TASP1: variants seen among roughly 807,000 people sequenced by gnomAD.
TASP1 encodes threonine aspartase 1.
Under a neutral mutation model 56.6 loss-of-function variants are expected in TASP1, and 16 were observed. The observed-to-expected ratio is 0.28, with a 90% confidence interval of 0.19 to 0.43. The LOEUF (loss-of-function observed/expected upper bound fraction) is 0.43, where lower values mean the gene tolerates loss of function less well. Ranked by LOEUF, TASP1 falls within the 20% of genes least tolerant of loss-of-function variation. The probability of loss-of-function intolerance (pLI) is 1.00; values close to 1 mark genes in which losing one functional copy is unlikely to be tolerated. For missense variants in TASP1, 393 were observed against 511.6 expected, an observed-to-expected ratio of 0.77 and a Z score of 2.24; for synonymous variants, 179 against 184.2, an observed-to-expected ratio of 0.97 and a Z score of 0.23.
At chr20:13,363,934 C>A in the TASP1 span, among the ~76,000 whole-genome samples, 1 of 152,050 alleles carries the variant, frequency 6.6e-6, no homozygotes, top group African/African-American at 2.4e-5. Context: ...CCATCAGAAT[C>A]CATCAGAAAA....
the TASP1 span, among the ~76,000 whole-genome samples, chr20:13,229,025 T>A: frequency 6.6e-6 from 1 of 152,264 alleles, no homozygotes; most frequent in East Asian, 1.9e-4. Flanking sequence ...GCCCTCAGCC[T>A]TTTCTCCTAA....
chr20:13,325,346 A>G, the TASP1 span, among the ~76,000 whole-genome samples: 1 of 152,226 alleles, frequency 6.6e-6, no homozygotes, highest in African/African-American at 2.4e-5. Context: ...CTCGTGCTTA[A>G]GATGTATTTG....
At chr20:13,128,970 G>T in the TASP1 span, among the ~76,000 whole-genome samples, 1 of 151,206 alleles carries the variant, frequency 6.6e-6, no homozygotes, top group African/African-American at 2.4e-5. Context: ...TCCGCCTCCT[G>T]GGTTCAAGCA....
At chr20:13,471,842 G>A (rs989106030) in intron 11 of TASP1, among the ~76,000 whole-genome samples, 20 of 152,242 alleles carry the variant, frequency 1.3e-4, no homozygotes, top group South Asian at 2.1e-4. Context: ...TGCAGACCAC[G>A]GAGGGAGAGC....
the TASP1 span, among the ~76,000 whole-genome samples, chr20:13,267,169 A>G: frequency 6.6e-6 from 1 of 152,182 alleles, no homozygotes; most frequent in African/African-American, 2.4e-5. Flanking sequence ...GGGGCATGCC[A>G]TTGCAAGGAG....
chr20:13,628,358 T>C (rs534594451), intron 2 of TASP1, among the ~76,000 whole-genome samples: 2 of 152,352 alleles, frequency 1.3e-5, no homozygotes, highest in East Asian at 1.9e-4. Context: ...TCATGGAAGA[T>C]AATGGAAGAT....
At chr20:13,272,767 T>C in the TASP1 span, among the ~76,000 whole-genome samples, 13 of 152,324 alleles carry the variant, frequency 8.5e-5, no homozygotes, top group East Asian at 1.7e-3. Context: ...TTGGAATAGG[T>C]GCAGATTGGC....
At chr20:13,309,748 G>C in the TASP1 span, among the ~76,000 whole-genome samples, 1 of 151,924 alleles carries the variant, frequency 6.6e-6, no homozygotes, top group Non-Finnish European at 1.5e-5. Context: ...ATTCAGTAAA[G>C]TCATAGGATA....
chr20:13,222,788 G>A, the TASP1 span, among the ~76,000 whole-genome samples: 17 of 152,280 alleles, frequency 1.1e-4, no homozygotes, highest in African/African-American at 3.9e-4. Context: ...TGAGTCTAGG[G>A]GTGGGACAAC....
chr20:13,406,731 A>T lies in TASP1; in HGVS notation c.1170+10717T>A, dbSNP rs111279757. 9.4e-5 allele frequency among the ~76,000 whole-genome samples: 13 copies of T among 138,194 alleles called. 1 individual carries two copies. The highest frequency in any genetic ancestry group is 3.6e-4 in the African/African-American group (13 of 36,220). 90.7% of individuals were successfully genotyped at this position (138,194 alleles called of 152,430 possible). A position where few individuals can be genotyped will look rare whatever the true frequency, so the allele number is the denominator to read the frequency against. On this transcript the variant is annotated intron_variant, in intron 13 of 13. Coordinates refer to ENST00000337743, the MANE Select transcript of TASP1 (RefSeq NM_017714.3). ...ACCCAGGCTGGAGTGCAGTGGTGTG[A>T]TCTCTGCTCACTACAAGCTCTGCCT...
At chr20:13,200,096 T>C in the TASP1 span, among the ~76,000 whole-genome samples, 32 of 152,346 alleles carry the variant, frequency 2.1e-4, no homozygotes, top group African/African-American at 7.0e-4. Flanking sequence ...ACACTTTAAA[T>C]TCACAAAGGT....
In TASP1 at chr20:13,415,444, C is replaced by CTT. The variant is rs368921864; in HGVS notation, c.1170+2002_1170+2003dup. On this transcript the variant is annotated intron_variant, in intron 13 of 13. Coordinates refer to ENST00000337743, the MANE Select transcript of TASP1 (RefSeq NM_017714.3). ...ATTAGTGTTTTTGTTTTGGGGTTTT[C>CTT]TTTTTTTTTTTTTTTTTCCTTGAAA... is the stretch of plus-strand genomic sequence containing the variant. Among the ~76,000 whole-genome samples, 270 of 133,020 alleles carry CTT rather than the reference C, an allele frequency of 2.0e-3. 2 individuals are homozygous for CTT. The South Asian group carries it at 0.02, about 10-fold the overall frequency. The allele number at this position is 133,020 out of a possible 152,430, so 87.3% of individuals were successfully genotyped here.
At chr20:13,296,369 C>A in the TASP1 span, among the ~76,000 whole-genome samples, 1 of 152,254 alleles carries the variant, frequency 6.6e-6, no homozygotes, top group East Asian at 1.9e-4. Flanking sequence ...AAACTCAGAT[C>A]CCCATCAATA....
intron 4 of TASP1, among the ~76,000 whole-genome samples, chr20:13,614,253 T>C (rs1361089095): frequency 1.3e-5 from 2 of 152,188 alleles, no homozygotes; most frequent in African/African-American, 4.8e-5. Flanking sequence ...ACATAGTATG[T>C]TGAATACCAG....
intron 6 of TASP1, among the ~76,000 whole-genome samples, chr20:13,574,305 C>T (rs953513070): frequency 2.0e-5 from 3 of 152,094 alleles, no homozygotes; most frequent in Admixed American, 6.6e-5. Flanking sequence ...AAGTTTAAAG[C>T]GAGACCTGAA....
chr20:13,105,772 T>C, the TASP1 span, among the ~76,000 whole-genome samples: 1 of 152,310 alleles, frequency 6.6e-6, no homozygotes, highest in South Asian at 2.1e-4. Flanking sequence ...AGGGAAAACA[T>C]TCTTAACAGG....
the TASP1 span, among the ~76,000 whole-genome samples, chr20:13,306,564 C>CAAAAAAAAAAAAAAAAAAAAGAAAA: frequency 3.1e-5 from 2 of 63,908 alleles, no homozygotes; most frequent in Non-Finnish European, 5.3e-5. Context: ...GGAGAAAGGA[C>CAAAAAAAAAAAAAAAAAAAAGAAAA]AAAAAAAAAA....
the TASP1 span, among the ~76,000 whole-genome samples, chr20:13,187,942 C>T: frequency 6.6e-6 from 1 of 151,292 alleles, no homozygotes; most frequent in African/African-American, 2.4e-5. Flanking sequence ...TGTGTATATA[C>T]ATATATATAT....
the TASP1 span, among the ~76,000 whole-genome samples, chr20:13,274,098 C>A: frequency 6.6e-6 from 1 of 151,644 alleles, no homozygotes; most frequent in African/African-American, 2.4e-5. Flanking sequence ...TGTGCATGCA[C>A]ACAAACACAC....
Sources: gnomAD v4.1 joint callset for allele counts (sites outside exome capture counted in the v4.1 genomes callset) on GRCh38, gnomAD v4.1.1 for gene constraint, MANE v1.5 for transcripts, NCBI Gene and HGNC (gene_info 2026-07-23, HGNC 2026-07-21) for gene names.